The following CELF2 variants were observed in gnomAD, a reference collection of about 807,000 sequenced individuals.
CELF2 encodes CUG triplet repeat RNA-binding protein 2.
A neutral mutation model predicts 62.6 loss-of-function variants in CELF2; 8 were observed. That is an observed-to-expected ratio of 0.13 (90% CI 0.07 to 0.23). The LOEUF (loss-of-function observed/expected upper bound fraction) is 0.23, where lower values mean the gene tolerates loss of function less well. Among genes scored for constraint, CELF2 ranks in the 10% least tolerant of loss-of-function variants. The pLI, the probability that CELF2 is intolerant of heterozygous loss-of-function variation, is 1.00. For synonymous variants in CELF2, 258 were observed against 250.0 expected, an observed-to-expected ratio of 1.03 and a Z score of -0.30; for missense variants, 333 against 671.0, an observed-to-expected ratio of 0.50 and a Z score of 5.56.
At chr10:10,706,062 A>G in the CELF2 span, among the ~76,000 whole-genome samples, 7 of 152,158 alleles carry the variant, frequency 4.6e-5, no homozygotes, top group Non-Finnish European at 7.3e-5. Flanking sequence ...CAATTACACA[A>G]GGTGTTCTCT....
chr10:11,007,905 G>C (rs2055590097), intron 1 of CELF2, among the ~76,000 whole-genome samples: 1 of 152,054 alleles, frequency 6.6e-6, no homozygotes, highest in South Asian at 2.1e-4. Context: ...TCTAATTCCT[G>C]GGTAGTCACA....
intron 1 of CELF2, among the ~76,000 whole-genome samples, chr10:11,076,090 T>G (rs551485182): frequency 1.3e-5 from 2 of 152,038 alleles, no homozygotes; most frequent in South Asian, 4.2e-4. Flanking sequence ...TTGTTGTTTG[T>G]TTTTTAGAGT....
At chr10:10,560,836 A>T in the CELF2 span, among the ~76,000 whole-genome samples, 10 of 152,246 alleles carry the variant, frequency 6.6e-5, no homozygotes, top group Admixed American at 3.3e-4. Flanking sequence ...CTACTCAGCC[A>T]TAAAAAGGAA....
chr10:10,575,562 C>A, the CELF2 span, among the ~76,000 whole-genome samples: 6 of 152,132 alleles, frequency 3.9e-5, no homozygotes, highest in African/African-American at 7.2e-5. Context: ...TCCACCATCA[C>A]GTAAAAAGAT....
chr10:10,493,605 C>T, the CELF2 span, among the ~76,000 whole-genome samples: 1 of 150,914 alleles, frequency 6.6e-6, no homozygotes, highest in East Asian at 2.0e-4. Context: ...GATCTAGGCT[C>T]ACTGCAGCCT....
At chr10:11,147,398 A>G (rs1460991782) in intron 1 of CELF2, among the ~76,000 whole-genome samples, 3 of 152,214 alleles carry the variant, frequency 2.0e-5, no homozygotes, top group Non-Finnish European at 2.9e-5. Context: ...CTAAATATTT[A>G]AAGAACACTT....
At chr10:10,720,406 C>T in the CELF2 span, among the ~76,000 whole-genome samples, 2 of 152,120 alleles carry the variant, frequency 1.3e-5, no homozygotes, top group Non-Finnish European at 2.9e-5. Context: ...TGGGTGATCG[C>T]GTAAATGATT....
At chr10:11,135,719 T>C (rs1217324661) in intron 1 of CELF2, among the ~76,000 whole-genome samples, 1 of 152,186 alleles carries the variant, frequency 6.6e-6, no homozygotes, top group Non-Finnish European at 1.5e-5. Flanking sequence ...TCATTACTGC[T>C]CCCCCACATT....
chr10:10,987,277 G>T (rs1193350533), intron 2 of CELF2, among the ~76,000 whole-genome samples: 4 of 150,540 alleles, frequency 2.7e-5, no homozygotes, highest in Non-Finnish European at 5.9e-5. Flanking sequence ...TTCATTTCTG[G>T]CATTGCTCTA....
rs185986004 is a variant in CELF2, at chr10:11,318,051, C to T, written c.1097-3138C>T. On this transcript the variant is annotated intron_variant, in intron 10 of 12. Transcript: ENST00000633077. This position sits in a 1 kb window ranked among gnomAD's most constrained non-coding sequence, Gnocchi z 5.4. ...TCTTCACAGCTCTGCTTCTGTTATC[C>T]AGAGCTTTTAGAGGAAATCAAGTGC... 1 of 152,294 alleles carries T rather than the reference C, an allele frequency of 6.6e-6. No homozygotes were observed. Among genetic ancestry groups the T allele is most frequent in the East Asian group, 1.9e-4 (1 of 5,186 alleles). 9.4% of individuals were successfully genotyped at this position (152,294 alleles called of 1,614,324 possible).
the CELF2 span, among the ~76,000 whole-genome samples, chr10:10,678,010 T>C: frequency 6.6e-6 from 1 of 152,296 alleles, no homozygotes; most frequent in African/African-American, 2.4e-5. Context: ...TTACCATCTT[T>C]AGTGTATATG....
At chr10:11,275,342 G>A (rs1354401217) in intron 8 of CELF2, among the ~76,000 whole-genome samples, 1 of 152,192 alleles carries the variant, frequency 6.6e-6, no homozygotes, top group African/African-American at 2.4e-5. Context: ...GCTATAGAAT[G>A]AAGGGGCTGA....
In CELF2 at chr10:11,285,871, G is replaced by A. The variant is rs2091125491; in HGVS notation, c.842-2547G>A. ...TGTGTGTGTGTGTGTGTGTGTGTGT[G>A]TGTGTGTTTTTACATGGACTTGAAA... is the stretch of plus-strand genomic sequence containing the variant. On this transcript the variant is annotated intron_variant, in intron 8 of 12. Transcript: ENST00000633077. This position sits in a 1 kb window ranked among gnomAD's most constrained non-coding sequence, Gnocchi z 4.3. Among the ~76,000 whole-genome samples, 1 of 86,826 alleles carries A rather than the reference G, an allele frequency of 1.2e-5. No homozygotes were observed. The highest frequency in any genetic ancestry group is 2.4e-5 in the Non-Finnish European group (1 of 42,490). The allele number at this position is 86,826 out of a possible 152,430, so 57.0% of individuals were successfully genotyped here. A position where few individuals can be genotyped will look rare whatever the true frequency, so the allele number is the denominator to read the frequency against.
At position 11,286,178 on chromosome 10, in the gene CELF2, C is replaced by G. The variant is rs796513110; in HGVS notation, c.842-2240C>G. On this transcript the variant is annotated intron_variant, in intron 8 of 12. Transcript: ENST00000633077. ...GGCCAGGGACCTCATGTCTCTGACC[C>G]AAGTGGGCCAGCTGAGCCAGGCCAT... 1.2e-4 allele frequency among the ~76,000 whole-genome samples: 18 copies of G among 152,310 alleles called. 1 individual carries two copies. Among genetic ancestry groups the G allele is most frequent in the African/African-American group, 4.3e-4 (18 of 41,574 alleles).
intron 8 of CELF2, among the ~76,000 whole-genome samples, chr10:11,281,211 GTCACC>G (rs879559466): frequency 0.051 from 7,746 of 152,158 alleles, 275 homozygotes; most frequent in Middle Eastern, 0.082. Context: ...TTTAGGAGCT[GTCACC>G]AAACACATTT....
chr10:10,707,058 G>C, the CELF2 span, among the ~76,000 whole-genome samples: 1 of 152,160 alleles, frequency 6.6e-6, no homozygotes. Flanking sequence ...CAACCCTAGG[G>C]GGTCAATGCT....
the CELF2 span, among the ~76,000 whole-genome samples, chr10:10,786,183 C>G: frequency 6.6e-6 from 1 of 152,268 alleles, no homozygotes; most frequent in Admixed American, 6.5e-5. Flanking sequence ...CACAATTGCG[C>G]CACTGTCTAC....
chr10:11,231,262 G>C (rs777279339), intron 3 of CELF2, among the ~76,000 whole-genome samples: 4 of 152,216 alleles, frequency 2.6e-5, no homozygotes, highest in Non-Finnish European at 5.9e-5. Context: ...CTGGATTGTA[G>C]TCTGTAAGGA....
Position 11,244,154 on chromosome 10 carries a change from C to T in CELF2, c.355-4999C>T, listed in dbSNP as rs1265402801. Reference sequence around the variant, plus strand: ...CAGTTGAGAAGCAACAGTTCTGACCCCACTCATTTCATCATTAGCTCTTGA... The same window carrying T: ...CAGTTGAGAAGCAACAGTTCTGACCTCACTCATTTCATCATTAGCTCTTGA... On this transcript the variant is annotated intron_variant, in intron 3 of 12. Transcript: ENST00000633077. This position sits in a 1 kb window ranked among gnomAD's most constrained non-coding sequence, Gnocchi z 4.2. Among the ~76,000 whole-genome samples, 18 of 152,226 alleles carry T rather than the reference C, an allele frequency of 1.2e-4. No homozygotes were observed.
Sources: gnomAD v4.1 joint callset for allele counts (sites outside exome capture counted in the v4.1 genomes callset) on GRCh38, gnomAD v4.1.1 for gene constraint, Gnocchi (gnomAD v3.1) non-coding constraint, MANE v1.5 for transcripts, NCBI Gene and HGNC (gene_info 2026-07-23, HGNC 2026-07-21) for gene names.